The following AOAH variants were observed in gnomAD, a reference collection of about 807,000 sequenced individuals.
AOAH encodes the protein acyloxyacyl hydrolase (neutrophil).
Under a neutral mutation model 92.2 loss-of-function variants are expected in AOAH, and 64 were observed. The ratio of observed to expected loss-of-function variants is 0.69; its 90% CI spans 0.57 to 0.86. AOAH has a LOEUF of 0.86. AOAH is among the 40% of genes least tolerant of loss of function. AOAH has a pLI of 0.00. For missense variants in AOAH, 656 were observed against 694.6 expected (o/e 0.94, Z 0.62); for synonymous variants, 263 against 254.5 (o/e 1.03, Z -0.32).
At chr7:36,522,484 C>A (rs1346525627) in intron 19 of AOAH, among the ~76,000 whole-genome samples, 20 of 152,158 alleles carry the variant, frequency 1.3e-4, no homozygotes, top group Admixed American at 1.3e-3. Context: ...TGTTAACATC[C>A]CCTTTCATGG....
chr7:36,668,819 ATTG>A (rs920019057), intron 3 of AOAH, among the ~76,000 whole-genome samples: 3 of 152,210 alleles, frequency 2.0e-5, no homozygotes, highest in African/African-American at 7.2e-5. Context: ...TCTATGAAGT[ATTG>A]TTGGTTTTTC....
chr7:36,703,364 T>A (rs1040219380), intron 1 of AOAH, among the ~76,000 whole-genome samples: 2 of 152,174 alleles, frequency 1.3e-5, no homozygotes, highest in African/African-American at 4.8e-5. Flanking sequence ...TAAGTGCCTA[T>A]GGCAGCTATA....
chr7:36,588,230 C>T lies in AOAH; in HGVS notation c.938+6109G>A, dbSNP rs182038865. ...GTTTGGTGCCAGCACTTGATTCACG[C>T]TAACGTGTCAACAGTTCTACCCACC... is the stretch of plus-strand genomic sequence containing the variant. On this transcript the variant is annotated intron_variant, in intron 12 of 20. Coordinates refer to ENST00000617537, the MANE Select transcript of AOAH (RefSeq NM_001637.4). 1.9e-3 allele frequency among the ~76,000 whole-genome samples: 289 copies of T among 152,360 alleles called. 1 individual carries two copies. Among genetic ancestry groups the T allele is most frequent in the Non-Finnish European group, 3.4e-3 (230 of 68,034 alleles).
chr7:36,521,041 T>C (rs1784081781), intron 20 of AOAH, among the ~76,000 whole-genome samples: 4 of 152,182 alleles, frequency 2.6e-5, no homozygotes. Context: ...GCCCTGCCTG[T>C]GAGCACTGGC....
intron 13 of AOAH, among the ~76,000 whole-genome samples, chr7:36,569,764 C>T (rs1788000252): frequency 6.6e-6 from 1 of 152,016 alleles, no homozygotes; most frequent in Non-Finnish European, 1.5e-5. Flanking sequence ...GCACCTGCCA[C>T]CATGCCTGGC....
At chr7:36,669,959 G>A (rs1795808622) in intron 3 of AOAH, among the ~76,000 whole-genome samples, 1 of 152,196 alleles carries the variant, frequency 6.6e-6, no homozygotes, top group Non-Finnish European at 1.5e-5. Flanking sequence ...ACACAGAGGG[G>A]ACCCAGCTGT....
intron 6 of AOAH, among the ~76,000 whole-genome samples, chr7:36,626,807 C>T (rs538665694): frequency 7.9e-5 from 12 of 152,192 alleles, no homozygotes; most frequent in Non-Finnish European, 1.6e-4. Flanking sequence ...TTTATAGAGA[C>T]GGGGTCTTGC....
intron 1 of AOAH, among the ~76,000 whole-genome samples, chr7:36,692,143 C>T (rs1361803895): frequency 1.3e-5 from 2 of 152,168 alleles, no homozygotes; most frequent in African/African-American, 2.4e-5. Flanking sequence ...GCTATCTGTA[C>T]ATCTGGCAAA....
At chr7:36,534,897 C>T (rs529111006) in intron 16 of AOAH, among the ~76,000 whole-genome samples, 51 of 150,000 alleles carry the variant, frequency 3.4e-4, no homozygotes, top group Non-Finnish European at 1.5e-4. Context: ...TGTGTGTCTT[C>T]GTGTGTGTCT....
intron 9 of AOAH, among the ~76,000 whole-genome samples, chr7:36,618,840 G>A (rs1471547116): frequency 6.6e-6 from 1 of 152,170 alleles, no homozygotes; most frequent in Non-Finnish European, 1.5e-5. Context: ...GGAGCTACTG[G>A]CATCTAGTGG....
chr7:36,534,851 T>C (rs926508771), intron 16 of AOAH, among the ~76,000 whole-genome samples: 1 of 152,054 alleles, frequency 6.6e-6, no homozygotes, highest in African/African-American at 2.4e-5. Context: ...TATGTGTATC[T>C]GTGTGTCTTC....
At chr7:36,632,831 G>A (rs1382972436) in intron 5 of AOAH, among the ~76,000 whole-genome samples, 1 of 152,210 alleles carries the variant, frequency 6.6e-6, no homozygotes, top group Non-Finnish European at 1.5e-5. Flanking sequence ...ATGGGCATTG[G>A]CGATATTTGA....
intron 4 of AOAH, among the ~76,000 whole-genome samples, chr7:36,646,894 A>G (rs1311099045): frequency 1.3e-5 from 2 of 152,198 alleles, no homozygotes; most frequent in Non-Finnish European, 2.9e-5. Context: ...CCTTAACTAC[A>G]TTACACCCTC....
chr7:36,696,849 A>G (rs1797746236), intron 1 of AOAH, among the ~76,000 whole-genome samples: 1 of 147,716 alleles, frequency 6.8e-6, no homozygotes, highest in Non-Finnish European at 1.5e-5. Flanking sequence ...TGGACTACAG[A>G]GCGAGGCTAC....
intron 1 of AOAH, among the ~76,000 whole-genome samples, chr7:36,690,513 T>C (rs1008116183): frequency 4.6e-5 from 7 of 152,238 alleles, no homozygotes; most frequent in African/African-American, 1.7e-4. Flanking sequence ...TTCTACAGTT[T>C]CTAATAAGAG....
At chr7:36,570,267 C>T (rs930700863) in intron 13 of AOAH, among the ~76,000 whole-genome samples, 4 of 152,180 alleles carry the variant, frequency 2.6e-5, no homozygotes, top group Admixed American at 2.0e-4. Context: ...CGGCAGTATT[C>T]GTCCTTCTGT....
chr7:36,576,798 T>C (rs1298383372), intron 12 of AOAH, 142 bp from the exon 13 acceptor site: 4 of 498,028 alleles, frequency 8.0e-6, no homozygotes, highest in Non-Finnish European at 7.0e-6. Flanking sequence ...AAGTTTTCTC[T>C]GAACTGTGAA....
chr7:36,650,817 G>A lies in AOAH; in HGVS notation c.390+8349C>T, dbSNP rs556949735. Among the ~76,000 whole-genome samples, 73 of 152,274 alleles carry A rather than the reference G, an allele frequency of 4.8e-4. 2 individuals are homozygous for A. The highest frequency in any genetic ancestry group is 1.7e-3 in the African/African-American group (69 of 41,548). ...ATGTGCCAGGTACTATGCCAGTCCA[G>A]GAATAAGATGGTGAGCAAGAAAGAC... On this transcript the variant is annotated intron_variant, in intron 4 of 20. Coordinates refer to ENST00000617537, the MANE Select transcript of AOAH (RefSeq NM_001637.4).
chr7:36,603,371 T>C (rs1562611436), intron 11 of AOAH, among the ~76,000 whole-genome samples: 1 of 152,190 alleles, frequency 6.6e-6, no homozygotes, highest in Admixed American at 6.5e-5. Flanking sequence ...CTCCACTGTC[T>C]TGACTGCTCA....
Sources: allele counts gnomAD v4.1 joint callset (sites outside exome capture counted in the v4.1 genomes callset), GRCh38; gene constraint gnomAD v4.1.1; transcripts MANE v1.5; gene names NCBI Gene and HGNC (gene_info 2026-07-23, HGNC 2026-07-21).